TBCK: variants seen among roughly 807,000 people sequenced by gnomAD.
TBCK encodes TBC1 domain containing kinase.
A neutral mutation model predicts 113.4 loss-of-function variants in TBCK; 99 were observed. The observed-to-expected ratio is 0.87, with a 90% CI of 0.74 to 1.03. The LOEUF is 1.03. TBCK is among the 50% of genes least tolerant of loss of function. The pLI, the probability that TBCK is intolerant of heterozygous loss-of-function variation, is 0.00. For synonymous variants in TBCK, 369 were observed against 370.8 expected (o/e 1.00, Z 0.05); for missense variants, 1,045 against 1,061.3 (o/e 0.98, Z 0.21).
intron 22 of TBCK, among the ~76,000 whole-genome samples, chr4:106,171,799 T>A (rs1008779888): frequency 1.1e-4 from 17 of 151,946 alleles, no homozygotes; most frequent in African/African-American, 3.6e-4. Context: ...TCAGAAAAAA[T>A]TTTTCAGAAT....
chr4:106,240,751 C>G lies in TBCK; in HGVS notation c.1170+1719G>C, dbSNP rs140364504. On this transcript the variant is annotated intron_variant, in intron 12 of 25. Coordinates refer to ENST00000394708, the MANE Select transcript of TBCK (RefSeq NM_001163435.3). ...CAAATCTTAAACTCTAATGTGTAAG[C>G]TGAATTGTAGTAATGTCTTCATTTT... Among the ~76,000 whole-genome samples, 19 of 151,928 alleles carry G rather than the reference C, an allele frequency of 1.3e-4. No homozygotes were observed. The East Asian group carries it at 3.5e-3, about 28-fold the overall frequency.
At chr4:106,225,177 T>C (rs143079143) in intron 19 of TBCK, among the ~76,000 whole-genome samples, 205 of 152,148 alleles carry the variant, frequency 1.3e-3, no homozygotes, top group East Asian at 7.7e-3. Flanking sequence ...TTATGTAACA[T>C]ATGGTCAATA....
At chr4:106,133,089 A>G (rs1746147752) in intron 23 of TBCK, among the ~76,000 whole-genome samples, 1 of 152,180 alleles carries the variant, frequency 6.6e-6, no homozygotes. Flanking sequence ...TGGTTTTGAA[A>G]TGTGAGGACA....
intron 1 of TBCK, among the ~76,000 whole-genome samples, chr4:106,311,937 G>C (rs1768243615): frequency 6.6e-6 from 1 of 152,022 alleles, no homozygotes; most frequent in Admixed American, 6.6e-5. Context: ...TGGAACATAG[G>C]CTTAAGCGTA....
chr4:106,186,289 GTTCT>G (rs1579170507), intron 22 of TBCK, among the ~76,000 whole-genome samples: 1 of 152,164 alleles, frequency 6.6e-6, no homozygotes, highest in African/African-American at 2.4e-5. Context: ...TCTGTTTTAA[GTTCT>G]TTCAGAAATC....
At chr4:106,119,960 G>C (rs75602652) in intron 23 of TBCK, among the ~76,000 whole-genome samples, 8,169 of 152,194 alleles carry the variant, frequency 0.054, 490 homozygotes, top group East Asian at 0.28. Flanking sequence ...AATGTGAGAG[G>C]AGCCAAGATG....
chr4:106,068,303 C>A lies in TBCK; in HGVS notation c.2572-21623G>T, dbSNP rs914590357. Among the ~76,000 whole-genome samples, 13 of 151,992 alleles carry A rather than the reference C, an allele frequency of 8.6e-5. No individual in the cohort carries two copies. In the South Asian group the frequency reaches 2.1e-3, roughly 24 times the overall value. On this transcript the variant is annotated intron_variant, in intron 25 of 25. Coordinates refer to ENST00000394708, the MANE Select transcript of TBCK (RefSeq NM_001163435.3). ...TCTCCTAATGCTATCCCTCCCCCAT[C>A]CCCCCACCCCACACCAGGCCCCAGT... is the stretch of plus-strand genomic sequence containing the variant.
At chr4:106,047,069 C>T (rs1734299439) in intron 25 of TBCK, among the ~76,000 whole-genome samples, 1 of 152,020 alleles carries the variant, frequency 6.6e-6, no homozygotes, top group African/African-American at 2.4e-5. Flanking sequence ...CAGTAATAGT[C>T]AAAACAAGCT....
intron 19 of TBCK, among the ~76,000 whole-genome samples, chr4:106,227,548 C>G (rs546539471): frequency 6.6e-6 from 1 of 151,802 alleles, no homozygotes; most frequent in Non-Finnish European, 1.5e-5. Context: ...ATCCCACTTA[C>G]TCAGAATTTT....
chr4:106,139,583 G>A (rs1336013898), intron 23 of TBCK, among the ~76,000 whole-genome samples: 1 of 141,020 alleles, frequency 7.1e-6, no homozygotes. Flanking sequence ...TCTACAATGT[G>A]TTTAGCTGTG....
intron 11 of TBCK, among the ~76,000 whole-genome samples, chr4:106,244,193 C>T (rs1467165795): frequency 2.0e-5 from 3 of 152,072 alleles, no homozygotes; most frequent in Non-Finnish European, 4.4e-5. Context: ...ATCTCTAGGA[C>T]ACACAGTGAG....
intron 25 of TBCK, among the ~76,000 whole-genome samples, chr4:106,078,343 C>CA (rs528728138): frequency 1.3e-5 from 2 of 152,126 alleles, no homozygotes; most frequent in African/African-American, 4.8e-5. Flanking sequence ...TCAATGCCCC[C>CA]AAAAGTTGGT....
chr4:106,180,492 C>T (rs542287161), intron 22 of TBCK, among the ~76,000 whole-genome samples: 4 of 152,080 alleles, frequency 2.6e-5, no homozygotes, highest in Admixed American at 2.0e-4. Flanking sequence ...CCCATCAACC[C>T]GTCACCTACA....
In TBCK at chr4:106,046,521, T is replaced by C; in HGVS notation, c.*49A>G. ...GTGGCGTGGATATGAAGAACTGTGC[T>C]GTTGGTGCTGATGCCACACTAAGTT... On this transcript the variant is annotated 3_prime_UTR_variant, in exon 26 of 26. Transcript: ENST00000394708. 3 of 983,598 alleles carry C rather than the reference T, an allele frequency of 3.1e-6. 1 individual carries two copies. The highest frequency in any genetic ancestry group is 2.6e-5 in the South Asian group (2 of 76,312). 60.9% of individuals were successfully genotyped at this position (983,598 alleles called of 1,614,324 possible). A position where few individuals can be genotyped will look rare whatever the true frequency, so the allele number is the denominator to read the frequency against.
intron 5 of TBCK, among the ~76,000 whole-genome samples, chr4:106,259,083 T>C (rs989722153): frequency 1.3e-5 from 2 of 151,940 alleles, no homozygotes; most frequent in African/African-American, 4.8e-5. Context: ...TTATTTATTT[T>C]TGTAAAACCA....
chr4:106,247,067 C>A, intron 10 of TBCK, 72 bp downstream of exon 10: 1 of 1,463,804 alleles, frequency 6.8e-7, no homozygotes, highest in South Asian at 1.3e-5. Context: ...AAGTTCAAAA[C>A]TGAAAGTAGG....
At chr4:106,220,680 AT>A (rs1273335606) in intron 19 of TBCK, among the ~76,000 whole-genome samples, 1 of 152,168 alleles carries the variant, frequency 6.6e-6, no homozygotes, top group Non-Finnish European at 1.5e-5. Context: ...CACAAAATGC[AT>A]TCTATCCGTC....
chr4:106,206,014 T>C (rs918881245), intron 20 of TBCK, among the ~76,000 whole-genome samples: 5 of 152,188 alleles, frequency 3.3e-5, no homozygotes, highest in African/African-American at 4.8e-5. Context: ...GGTTTTGTTA[T>C]TGTTATTTTT....
intron 25 of TBCK, among the ~76,000 whole-genome samples, chr4:106,060,893 G>A (rs1299757752): frequency 6.6e-6 from 1 of 151,704 alleles, no homozygotes; most frequent in Non-Finnish European, 1.5e-5. Context: ...ATGACTTTGA[G>A]GAGTTCAAGA....
Sources: allele counts gnomAD v4.1 joint callset (sites outside exome capture counted in the v4.1 genomes callset), GRCh38; gene constraint gnomAD v4.1.1; transcripts MANE v1.5; gene names NCBI Gene and HGNC (gene_info 2026-07-23, HGNC 2026-07-21).